Variants in ENPP6 observed in about 807,000 individuals in gnomAD.
ENPP6 encodes the protein ectonucleotide pyrophosphatase/phosphodiesterase 6, also known as glycerophosphocholine cholinephosphodiesterase ENPP6.
ENPP6 carries 32 observed loss-of-function variants against 42.0 expected under a neutral mutation model. The observed-to-expected ratio is 0.76, with a 90% CI of 0.58 to 1.02. ENPP6 has a LOEUF of 1.02. Among genes scored for constraint, ENPP6 ranks in the 50% least tolerant of loss-of-function variants. ENPP6 has a pLI of 0.00. For synonymous variants in ENPP6, 213 were observed against 216.0 expected, an observed-to-expected ratio of 0.99 and a Z score of 0.12; for missense variants, 552 against 566.8, an observed-to-expected ratio of 0.97 and a Z score of 0.27.
intron 1 of ENPP6, among the ~76,000 whole-genome samples, chr4:184,197,983 G>T (rs1340100231): frequency 6.6e-6 from 1 of 152,300 alleles, no homozygotes; most frequent in East Asian, 1.9e-4. Context: ...CAGTGGTGTT[G>T]CTGTCGGCCT....
intron 2 of ENPP6, 70 bp downstream of exon 2, chr4:184,153,484 A>T: frequency 6.8e-7 from 1 of 1,481,306 alleles, no homozygotes; most frequent in Non-Finnish European, 9.0e-7. Context: ...TTCAAACAGT[A>T]ACTTGACACC....
intron 1 of ENPP6, among the ~76,000 whole-genome samples, chr4:184,213,727 A>G: frequency 6.7e-6 from 1 of 149,100 alleles, no homozygotes; most frequent in Non-Finnish European, 1.5e-5. Context: ...TGACCCAGCC[A>G]TCCCATTACT....
chr4:184,115,591 T>C (rs1219278417), intron 5 of ENPP6, among the ~76,000 whole-genome samples: 1 of 152,150 alleles, frequency 6.6e-6, no homozygotes, highest in Non-Finnish European at 1.5e-5. Flanking sequence ...ACATACATTG[T>C]CCTTGCAGTG....
At chr4:184,197,024 C>T (rs1010909489) in intron 1 of ENPP6, among the ~76,000 whole-genome samples, 11 of 152,210 alleles carry the variant, frequency 7.2e-5, no homozygotes, top group African/African-American at 2.7e-4. Flanking sequence ...ATTCTTTTAG[C>T]TTTTAGCTGG....
chr4:184,105,213 A>G (rs1736068320), intron 6 of ENPP6, among the ~76,000 whole-genome samples: 1 of 152,206 alleles, frequency 6.6e-6, no homozygotes, highest in Admixed American at 6.5e-5. Context: ...GATAAGAAAG[A>G]AAGAAAGGGG....
chr4:184,173,148 AC>A (rs890536236), intron 1 of ENPP6, among the ~76,000 whole-genome samples: 1 of 150,784 alleles, frequency 6.6e-6, no homozygotes. Flanking sequence ...CAAATGATCC[AC>A]CCCCCTCAGC....
At chr4:184,157,114 C>G (rs1737172827) in intron 1 of ENPP6, among the ~76,000 whole-genome samples, 1 of 152,210 alleles carries the variant, frequency 6.6e-6, no homozygotes, top group African/African-American at 2.4e-5. Flanking sequence ...ATCTGACCAC[C>G]CTCAATATCT....
At chr4:184,111,560 A>G (rs1464108891) in intron 6 of ENPP6, among the ~76,000 whole-genome samples, 1 of 152,244 alleles carries the variant, frequency 6.6e-6, no homozygotes, top group Non-Finnish European at 1.5e-5. Flanking sequence ...TAGGGAACAG[A>G]GGGACCCTCA....
At chr4:184,104,802 A>G (rs1736059267) in intron 6 of ENPP6, among the ~76,000 whole-genome samples, 1 of 152,130 alleles carries the variant, frequency 6.6e-6, no homozygotes, top group Admixed American at 6.5e-5. Flanking sequence ...ATCTACTGAG[A>G]CTCTACTGTG....
chr4:184,141,571 G>A (rs896212984), intron 2 of ENPP6, among the ~76,000 whole-genome samples: 2 of 152,128 alleles, frequency 1.3e-5, no homozygotes, highest in Admixed American at 1.3e-4. Flanking sequence ...TCATTCCCAG[G>A]GAACATCGCA....
chr4:184,118,531 G>A (rs1357134768), intron 3 of ENPP6, among the ~76,000 whole-genome samples: 1 of 152,204 alleles, frequency 6.6e-6, no homozygotes. Context: ...TCAGGAAGCT[G>A]TCAACCCCAG....
chr4:184,197,115 G>A (rs1314147532), intron 1 of ENPP6, among the ~76,000 whole-genome samples: 1 of 152,210 alleles, frequency 6.6e-6, no homozygotes, highest in Non-Finnish European at 1.5e-5. Context: ...AGAGCTTGAT[G>A]GGATTATGTA....
At chr4:184,101,280 G>A (rs1458823083) in intron 6 of ENPP6, among the ~76,000 whole-genome samples, 1 of 150,452 alleles carries the variant, frequency 6.6e-6, no homozygotes, top group African/African-American at 2.4e-5. Context: ...TTGCACGTGT[G>A]TGTTAATGTT....
intron 1 of ENPP6, among the ~76,000 whole-genome samples, chr4:184,196,814 T>A (rs1002608794): frequency 5.9e-5 from 9 of 152,172 alleles, no homozygotes; most frequent in African/African-American, 2.2e-4. Flanking sequence ...ATGGTTTAAA[T>A]TCCATCCCAA....
chr4:184,167,858 G>A (rs1737379124), intron 1 of ENPP6, among the ~76,000 whole-genome samples: 1 of 152,152 alleles, frequency 6.6e-6, no homozygotes. Flanking sequence ...CAGACACTGG[G>A]TCTCATTCAG....
intron 1 of ENPP6, among the ~76,000 whole-genome samples, chr4:184,176,596 G>A (rs1408891180): frequency 1.3e-5 from 2 of 152,148 alleles, no homozygotes; most frequent in Non-Finnish European, 2.9e-5. Flanking sequence ...GCTAAGGATC[G>A]AGTCCTAAAC....
chr4:184,088,963 T>C lies in ENPP6; in HGVS notation c.*2214A>G, dbSNP rs1485717541. The C allele has an allele frequency of 2.0e-5, 3 of 152,158 alleles. No homozygotes were observed. The highest frequency in any genetic ancestry group is 4.4e-5 in the Non-Finnish European group (3 of 68,012). 9.4% of individuals were successfully genotyped at this position (152,158 alleles called of 1,614,324 possible). ...TGTCTAAGTTTATGCCTCTCTTGAG[T>C]TTGATGATCCAATTTTAATTTAATC... On this transcript the variant is annotated 3_prime_UTR_variant, in exon 8 of 8. Transcript: ENST00000296741.
At chr4:184,142,817 C>T (rs767606046) in intron 2 of ENPP6, among the ~76,000 whole-genome samples, 19 of 152,242 alleles carry the variant, frequency 1.2e-4, no homozygotes, top group Non-Finnish European at 2.4e-4. Context: ...CCAAAGGCCG[C>T]GCTTTCATCT....
intron 1 of ENPP6, among the ~76,000 whole-genome samples, chr4:184,200,205 G>C (rs116817265): frequency 0.011 from 1,696 of 152,286 alleles, 40 homozygotes; most frequent in African/African-American, 0.039. Flanking sequence ...CTGCCCATGA[G>C]AGCTCTGAAG....
Sources: gnomAD v4.1 joint callset for allele counts (sites outside exome capture counted in the v4.1 genomes callset) on GRCh38, gnomAD v4.1.1 for gene constraint, MANE v1.5 for transcripts, NCBI Gene and HGNC (gene_info 2026-07-23, HGNC 2026-07-21) for gene names.